Variants in KCNH1 observed in about 807,000 individuals in gnomAD.
KCNH1 encodes the protein voltage-gated delayed rectifier potassium channel KCNH1.
Under a neutral mutation model 69.2 loss-of-function variants are expected in KCNH1, and 27 were observed. The observed-to-expected ratio is 0.39, with a 90% CI of 0.29 to 0.54. The LOEUF (loss-of-function observed/expected upper bound fraction) is 0.54, where lower values mean the gene tolerates loss of function less well. Ranked by LOEUF, KCNH1 falls within the 20% of genes least tolerant of loss-of-function variation. The pLI is 0.68. For synonymous variants in KCNH1, 456 were observed against 487.7 expected (o/e 0.93, Z 0.86); for missense variants, 798 against 1,261.6 (o/e 0.63, Z 5.57).
chr1:211,009,769 C>T (rs982884867), intron 6 of KCNH1, among the ~76,000 whole-genome samples: 3 of 151,868 alleles, frequency 2.0e-5, no homozygotes, highest in Admixed American at 1.3e-4. Flanking sequence ...CCACCATGCC[C>T]GGTTAATTTT....
chr1:210,971,897 G>C (rs1688518280), intron 6 of KCNH1, among the ~76,000 whole-genome samples: 1 of 151,986 alleles, frequency 6.6e-6, no homozygotes, highest in African/African-American at 2.4e-5. Flanking sequence ...AAGAGAAATG[G>C]TGGATTTAGT....
chr1:211,115,728 T>TAC (rs1391345720), intron 1 of KCNH1, among the ~76,000 whole-genome samples: 1 of 88,080 alleles, frequency 1.1e-5, no homozygotes, highest in Non-Finnish European at 2.1e-5. Flanking sequence ...TATATATATA[T>TAC]ATACACACAC....
chr1:211,089,337 G>GA (rs1482889677), intron 4 of KCNH1, among the ~76,000 whole-genome samples: 1 of 152,180 alleles, frequency 6.6e-6, no homozygotes, highest in Non-Finnish European at 1.5e-5. Flanking sequence ...GAATCTGTAA[G>GA]AAAAGGGAGA....
chr1:210,915,978 T>A (rs570400560), intron 7 of KCNH1, among the ~76,000 whole-genome samples: 15 of 152,256 alleles, frequency 9.9e-5, no homozygotes, highest in Middle Eastern at 6.8e-3. Flanking sequence ...GCTTTTTGTC[T>A]CTTTTTACCC....
intron 7 of KCNH1, among the ~76,000 whole-genome samples, chr1:210,888,607 C>A (rs562810739): frequency 6.6e-6 from 1 of 152,200 alleles, no homozygotes; most frequent in Non-Finnish European, 1.5e-5. Context: ...TCAAAAAAAT[C>A]AATGAATCCA....
At chr1:210,958,531 C>A (rs1688226896) in intron 6 of KCNH1, among the ~76,000 whole-genome samples, 2 of 152,226 alleles carry the variant, frequency 1.3e-5, no homozygotes, top group Non-Finnish European at 2.9e-5. Context: ...TTCTCCCCAT[C>A]ACTTTCAGGT....
chr1:211,008,887 G>T (rs1157484242), intron 6 of KCNH1, among the ~76,000 whole-genome samples: 1 of 152,190 alleles, frequency 6.6e-6, no homozygotes, highest in East Asian at 1.9e-4. Flanking sequence ...GCCTATATCA[G>T]ATTATGATTA....
At chr1:211,013,053 C>T (rs1432825171) in intron 6 of KCNH1, among the ~76,000 whole-genome samples, 1 of 152,230 alleles carries the variant, frequency 6.6e-6, no homozygotes, top group Admixed American at 6.5e-5. Flanking sequence ...CCCTGGTCAT[C>T]TCATGACTTT....
At chr1:211,103,106 C>T (rs1246365320) in intron 3 of KCNH1, among the ~76,000 whole-genome samples, 2 of 152,338 alleles carry the variant, frequency 1.3e-5, no homozygotes, top group South Asian at 2.1e-4. Context: ...CACTGTGTTA[C>T]TTGTGCTAAG....
chr1:210,827,687 T>A (rs1403027277), intron 7 of KCNH1, among the ~76,000 whole-genome samples: 2 of 152,178 alleles, frequency 1.3e-5, no homozygotes, highest in Admixed American at 1.3e-4. Context: ...CTTATGTTAA[T>A]ACCACAAGGG....
At chr1:210,760,864 C>G (rs1308898279) in intron 10 of KCNH1, among the ~76,000 whole-genome samples, 1 of 152,184 alleles carries the variant, frequency 6.6e-6, no homozygotes, top group Admixed American at 6.5e-5. Context: ...TCAATTACCT[C>G]CCTCCAGGTC....
At chr1:211,037,727 C>T (rs981234425) in intron 5 of KCNH1, among the ~76,000 whole-genome samples, 4 of 152,050 alleles carry the variant, frequency 2.6e-5, no homozygotes, top group African/African-American at 9.7e-5. Context: ...CCCCAAACTA[C>T]ACCTAACTAG....
chr1:210,811,992 G>A (rs1188890689), intron 7 of KCNH1, among the ~76,000 whole-genome samples: 1 of 152,158 alleles, frequency 6.6e-6, no homozygotes, highest in East Asian at 1.9e-4. Flanking sequence ...AGATTTGGTA[G>A]GTCATGAGTG....
At chr1:210,829,307 T>C (rs566915441) in intron 7 of KCNH1, among the ~76,000 whole-genome samples, 16 of 152,200 alleles carry the variant, frequency 1.1e-4, no homozygotes, top group Non-Finnish European at 1.8e-4. Flanking sequence ...GCTTTCCCTA[T>C]GGTAAGTTCT....
At chr1:210,977,899 C>T (rs1688643451) in intron 6 of KCNH1, among the ~76,000 whole-genome samples, 1 of 152,090 alleles carries the variant, frequency 6.6e-6, no homozygotes, top group South Asian at 2.1e-4. Context: ...AAATATTTAT[C>T]ATTTGTGTTC....
In KCNH1 at chr1:210,948,286, T is replaced by A. The variant is rs538514601; in HGVS notation, c.1033-28217A>T. Reference sequence around the variant, plus strand: ...GAAATACATGCTCATTAAAATTAGTTATGATGACTACTATAGAAGAATGTT... The same window carrying A: ...GAAATACATGCTCATTAAAATTAGTAATGATGACTACTATAGAAGAATGTT... On this transcript the variant is annotated intron_variant, in intron 6 of 10. Transcript: ENST00000271751. Among the ~76,000 whole-genome samples the A allele has an allele frequency of 3.3e-4, 50 of 152,082 alleles. 1 individual carries two copies. Among genetic ancestry groups the A allele is most frequent in the African/African-American group, 1.2e-3 (50 of 41,492 alleles).
At chr1:210,887,697 A>T (rs1686644264) in intron 7 of KCNH1, among the ~76,000 whole-genome samples, 1 of 141,166 alleles carries the variant, frequency 7.1e-6, no homozygotes, top group Non-Finnish European at 1.5e-5. Context: ...GGGATGGAGG[A>T]ATATTTAGCA....
chr1:210,987,647 T>C (rs961681724), intron 6 of KCNH1, among the ~76,000 whole-genome samples: 1 of 152,146 alleles, frequency 6.6e-6, no homozygotes, highest in East Asian at 1.9e-4. Flanking sequence ...TCTGGAAGTT[T>C]TGTCTCAGAG....
chr1:211,079,540 C>T (rs1025600181), intron 5 of KCNH1, among the ~76,000 whole-genome samples: 5 of 152,186 alleles, frequency 3.3e-5, no homozygotes, highest in Admixed American at 3.3e-4. Context: ...ACCAATATCC[C>T]TAATAAACAT....
Sources: allele counts gnomAD v4.1 joint callset (sites outside exome capture counted in the v4.1 genomes callset), GRCh38; gene constraint gnomAD v4.1.1; transcripts MANE v1.5; gene names NCBI Gene and HGNC (gene_info 2026-07-23, HGNC 2026-07-21).